The following CHN2 variants were observed in gnomAD, a reference collection of about 807,000 sequenced individuals.
CHN2 encodes chimerin 2.
In CHN2, 35 loss-of-function variants were observed where a neutral mutation model predicts 56.3. The observed-to-expected ratio is 0.62, with a 90% CI of 0.47 to 0.82. The LOEUF (loss-of-function observed/expected upper bound fraction) is 0.82, where lower values mean the gene tolerates loss of function less well. Among genes scored for constraint, CHN2 ranks in the 40% least tolerant of loss-of-function variants. The pLI is 0.00. For missense variants in CHN2, 491 were observed against 580.5 expected (o/e 0.85, Z 1.58); for synonymous variants, 210 against 212.8 (o/e 0.99, Z 0.12).
intron 1 of CHN2, among the ~76,000 whole-genome samples, chr7:29,215,443 A>C (rs1044774146): frequency 3.9e-5 from 6 of 152,070 alleles, no homozygotes; most frequent in Admixed American, 3.9e-4. Context: ...GGTCCCAATT[A>C]AGGGTCTTAT....
chr7:29,163,951 A>T (rs555007950), intron 2 of CHN2, among the ~76,000 whole-genome samples: 2 of 152,278 alleles, frequency 1.3e-5, no homozygotes, highest in Admixed American at 1.3e-4. Flanking sequence ...CCAGCTTTTG[A>T]CTATTACAAA....
chr7:29,333,869 G>A (rs1282324770), intron 1 of CHN2, among the ~76,000 whole-genome samples: 1 of 152,128 alleles, frequency 6.6e-6, no homozygotes, highest in African/African-American at 2.4e-5. Context: ...ATGAGTGTGT[G>A]TGAGCTGGTG....
chr7:29,255,282 G>A (rs927824983), intron 1 of CHN2, among the ~76,000 whole-genome samples: 21 of 152,154 alleles, frequency 1.4e-4, no homozygotes, highest in African/African-American at 4.6e-4. Flanking sequence ...GAAGGCCATC[G>A]AGCTCACTTC....
At chr7:29,178,248 A>C (rs1055754992) in intron 2 of CHN2, among the ~76,000 whole-genome samples, 2 of 152,164 alleles carry the variant, frequency 1.3e-5, no homozygotes, top group African/African-American at 4.8e-5. Flanking sequence ...TTCAGTATGA[A>C]TCAGAACATG....
At chr7:29,441,911 C>A (rs1056804469) in intron 6 of CHN2, among the ~76,000 whole-genome samples, 2 of 152,112 alleles carry the variant, frequency 1.3e-5, no homozygotes, top group Non-Finnish European at 2.9e-5. Flanking sequence ...CCATATAACT[C>A]ATAAATTCCA....
At chr7:29,260,593 C>T (rs1258487812) in intron 1 of CHN2, among the ~76,000 whole-genome samples, 1 of 152,078 alleles carries the variant, frequency 6.6e-6, no homozygotes, top group African/African-American at 2.4e-5. Context: ...ACCTTCCAGC[C>T]CTGGATGTAG....
upstream of CHN2, chr7:29,191,978 TGAATGATTA>T: frequency 6.6e-6 from 1 of 152,200 alleles, no homozygotes; most frequent in African/African-American, 2.4e-5. Flanking sequence ...AGGATGATAG[TGAATGATTA>T]TTCATGTTGA....
At chr7:29,355,878 G>C (rs1798276951) in intron 2 of CHN2, among the ~76,000 whole-genome samples, 1 of 146,296 alleles carries the variant, frequency 6.8e-6, no homozygotes, top group African/African-American at 2.6e-5. Flanking sequence ...CCACCTCCCG[G>C]GCTCAAGTGA....
At chr7:29,235,594 C>T (rs1787125040) in intron 1 of CHN2, among the ~76,000 whole-genome samples, 1 of 152,200 alleles carries the variant, frequency 6.6e-6, no homozygotes, top group African/African-American at 2.4e-5. Context: ...AGCACATATT[C>T]ATCACAGCAC....
At chr7:29,457,085 G>T (rs777232870) in intron 6 of CHN2, among the ~76,000 whole-genome samples, 1 of 152,128 alleles carries the variant, frequency 6.6e-6, no homozygotes, top group Admixed American at 6.5e-5. Flanking sequence ...CTGAGCTGTG[G>T]AATAGACATG....
chr7:29,498,627 C>G (rs938290917), intron 8 of CHN2, among the ~76,000 whole-genome samples: 1 of 151,992 alleles, frequency 6.6e-6, no homozygotes, highest in Non-Finnish European at 1.5e-5. Flanking sequence ...CATGTGTGCA[C>G]GTGTGTGTTA....
At chr7:29,159,622 C>T (rs371944421) in intron 2 of CHN2, among the ~76,000 whole-genome samples, 16 of 152,258 alleles carry the variant, frequency 1.1e-4, no homozygotes, top group African/African-American at 3.6e-4. Context: ...TCCTTCCCCG[C>T]TTCGTGCAGA....
intron 2 of CHN2, chr7:29,185,555 A>G (rs1798603844): frequency 6.6e-6 from 1 of 151,934 alleles, no homozygotes. Context: ...TGTTCTCTGA[A>G]TCTCATTTCT....
chr7:29,260,701 C>T (rs548633893), intron 1 of CHN2, among the ~76,000 whole-genome samples: 3 of 152,240 alleles, frequency 2.0e-5, no homozygotes, highest in East Asian at 1.9e-4. Context: ...TTAGCCTTCA[C>T]GATTTTGGAG....
intron 6 of CHN2, among the ~76,000 whole-genome samples, chr7:29,436,336 T>A (rs1204597663): frequency 6.6e-6 from 1 of 152,186 alleles, no homozygotes; most frequent in African/African-American, 2.4e-5. Flanking sequence ...AGTAGGTAAA[T>A]TGGCTTTTAT....
At chr7:29,273,350 T>TAG (rs1465171182) in intron 1 of CHN2, among the ~76,000 whole-genome samples, 1 of 55,552 alleles carries the variant, frequency 1.8e-5, no homozygotes, top group South Asian at 8.6e-4. Context: ...TGTGTATATA[T>TAG]ATATATATAT....
chr7:29,454,893 C>T (rs904263627), intron 6 of CHN2, among the ~76,000 whole-genome samples: 1 of 152,154 alleles, frequency 6.6e-6, no homozygotes, highest in Non-Finnish European at 1.5e-5. Context: ...CACCTTAGTG[C>T]ATTTTTTAAC....
At chr7:29,195,619 AGAGAGAGAGAGTGTGTGTGT>A (rs1341158894) in intron 1 of CHN2, among the ~76,000 whole-genome samples, 1 of 127,716 alleles carries the variant, frequency 7.8e-6, no homozygotes, top group East Asian at 4.3e-4. Context: ...AGAGAGAGAG[AGAGAGAGAGAGTGTGTGTGT>A]GTGTGTGTGT....
intron 1 of CHN2, among the ~76,000 whole-genome samples, chr7:29,286,022 G>T (rs372036178): frequency 6.6e-6 from 1 of 151,964 alleles, no homozygotes; most frequent in African/African-American, 2.4e-5. Context: ...TTTCCTGGCC[G>T]CCAAGTACAG....
Sources: allele counts gnomAD v4.1 joint callset (sites outside exome capture counted in the v4.1 genomes callset), GRCh38; gene constraint gnomAD v4.1.1; transcripts MANE v1.5; gene names NCBI Gene and HGNC (gene_info 2026-07-23, HGNC 2026-07-21).